FGF14: variants seen among roughly 807,000 people sequenced by gnomAD.
FGF14 encodes the protein fibroblast growth factor 14, also known as fibroblast growth factor homologous factor 4.
In FGF14, 5 loss-of-function variants were observed where a neutral mutation model predicts 25.5. That is an observed-to-expected ratio of 0.20 (90% CI 0.10 to 0.41). The LOEUF (loss-of-function observed/expected upper bound fraction) is 0.41. Among genes scored for constraint, FGF14 ranks in the 10% least tolerant of loss-of-function variants. The probability of loss-of-function intolerance (pLI) is 1.00; values close to 1 mark genes in which losing one functional copy is unlikely to be tolerated. For missense variants in FGF14, 222 were observed against 320.1 expected (o/e 0.69, Z 2.34); for synonymous variants, 138 against 118.3 (o/e 1.17, Z -1.08).
chr13:102,063,787 T>C (rs2042786861), intron 1 of FGF14, among the ~76,000 whole-genome samples: 1 of 152,088 alleles, frequency 6.6e-6, no homozygotes, highest in Non-Finnish European at 1.5e-5. Context: ...GATAAACTGG[T>C]CAGAATTTGC....
At chr13:101,743,703 G>C (rs533534549) in intron 3 of FGF14, among the ~76,000 whole-genome samples, 19 of 152,064 alleles carry the variant, frequency 1.2e-4, no homozygotes, top group Non-Finnish European at 2.5e-4. Context: ...ATTTAAGTTT[G>C]ATGTTCTTTT....
intron 4 of FGF14, among the ~76,000 whole-genome samples, chr13:101,723,322 CA>C (rs1566817658): frequency 1.3e-5 from 2 of 151,712 alleles, no homozygotes; most frequent in South Asian, 4.2e-4. Flanking sequence ...ACTTAATTCT[CA>C]AAAAAAGAAA....
intron 1 of FGF14, among the ~76,000 whole-genome samples, chr13:102,161,653 A>T (rs1199749801): frequency 0.065 from 1,558 of 23,876 alleles, 164 homozygotes; most frequent in East Asian, 0.26. Flanking sequence ...GAAGAAGAAG[A>T]AGAAGAAGAA....
At position 101,726,645 on chromosome 13, in the gene FGF14, G is replaced by T. The variant is rs369831369; in HGVS notation, c.574C>A (p.Pro192Thr). ...GGCTTGGGTAGAAAATGAGCTGCTG[G>T]TTTGGTTTTCTTTACTCTGTTCCCT... The part of the protein sequence containing the change: ...MKGNRVKKTK[P>T]AAHFLPKPLE... Residue 192 changes from proline to threonine, a missense_variant, in exon 4 of 5, where the codon CCA (proline) becomes ACA (threonine). Transcript: ENST00000376143. 3.1e-6 allele frequency: 5 copies of T among 1,613,462 alleles called. No individual in the cohort carries two copies. The highest frequency in any genetic ancestry group is 4.2e-6 in the Non-Finnish European group (5 of 1,179,634).
At chr13:101,741,828 G>T (rs187037136) in intron 3 of FGF14, among the ~76,000 whole-genome samples, 2 of 152,230 alleles carry the variant, frequency 1.3e-5, no homozygotes, top group Admixed American at 6.5e-5. Context: ...CCAACTAAAA[G>T]GTGGGCCCCC....
intron 1 of FGF14, among the ~76,000 whole-genome samples, chr13:102,033,337 A>G (rs1416209884): frequency 6.6e-6 from 1 of 152,146 alleles, no homozygotes; most frequent in Non-Finnish European, 1.5e-5. Context: ...TCTACAATAG[A>G]ATCATCATGA....
At chr13:102,163,045 A>G (rs1056375433) in intron 1 of FGF14, among the ~76,000 whole-genome samples, 2 of 152,200 alleles carry the variant, frequency 1.3e-5, no homozygotes, top group Non-Finnish European at 2.9e-5. Context: ...CATATTTCAT[A>G]TAGAGGGATT....
rs983923846 is a variant in FGF14 at position 101,720,809 on chromosome 13, G to T, written c.*2022C>A. The T allele has an allele frequency of 1.3e-5, 2 of 152,038 alleles. No homozygotes were observed. The highest frequency in any genetic ancestry group is 2.9e-5 in the Non-Finnish European group (2 of 67,992). 9.4% of individuals were successfully genotyped at this position (152,038 alleles called of 1,614,324 possible). A position where few individuals can be genotyped will look rare whatever the true frequency, so the allele number is the denominator to read the frequency against. ...AATGACCAAAGGAATCATTTTGTTT[G>T]TTAGATTTGTAATTTAGCATCATTG... On this transcript the variant is annotated 3_prime_UTR_variant, in exon 5 of 5. Coordinates refer to ENST00000376143, the MANE Select transcript of FGF14 (RefSeq NM_004115.4).
intron 1 of FGF14, among the ~76,000 whole-genome samples, chr13:102,335,424 G>T (rs2056763059): frequency 6.6e-6 from 1 of 151,888 alleles, no homozygotes; most frequent in Admixed American, 6.6e-5. Context: ...TAACCATAAG[G>T]GTTCTCAATA....
chr13:101,845,456 A>G (rs1263793636), intron 3 of FGF14, among the ~76,000 whole-genome samples: 2 of 152,032 alleles, frequency 1.3e-5, no homozygotes, highest in East Asian at 3.9e-4. Context: ...GGCAAATGTA[A>G]AGGTGAATGA....
At chr13:102,349,468 G>C (rs1196414641) in intron 1 of FGF14, among the ~76,000 whole-genome samples, 1 of 152,128 alleles carries the variant, frequency 6.6e-6, no homozygotes, top group Non-Finnish European at 1.5e-5. Flanking sequence ...AACCCCAAAA[G>C]AGAATTGATG....
At chr13:101,916,055 C>T (rs1341932109) in intron 1 of FGF14, among the ~76,000 whole-genome samples, 2 of 152,230 alleles carry the variant, frequency 1.3e-5, no homozygotes. Flanking sequence ...ATGGAAACCC[C>T]CACCAGCTCA....
chr13:102,126,317 A>G (rs1292398075), intron 1 of FGF14, among the ~76,000 whole-genome samples: 1 of 152,194 alleles, frequency 6.6e-6, no homozygotes, highest in Non-Finnish European at 1.5e-5. Flanking sequence ...GGAATCATAC[A>G]ATATGTGTCC....
At chr13:102,252,786 A>T (rs753875583) in intron 1 of FGF14, among the ~76,000 whole-genome samples, 1 of 152,054 alleles carries the variant, frequency 6.6e-6, no homozygotes, top group East Asian at 1.9e-4. Context: ...CAACATCTAC[A>T]TTAGGTATTT....
chr13:101,912,899 T>C (rs1289265062), intron 1 of FGF14, among the ~76,000 whole-genome samples: 2 of 152,114 alleles, frequency 1.3e-5, no homozygotes. Context: ...ACCCAGTGTA[T>C]GGCAAACACT....
intron 1 of FGF14, among the ~76,000 whole-genome samples, chr13:102,358,429 T>C (rs2057476117): frequency 1.3e-5 from 2 of 152,184 alleles, no homozygotes; most frequent in African/African-American, 4.8e-5. Context: ...AACTACATAC[T>C]GTTTTGCTAG....
rs367574506 is a variant in FGF14, at chr13:101,845,999, TTCAC to T, written c.408+22722_408+22725del. On this transcript the variant is annotated intron_variant, in intron 3 of 4. Transcript: ENST00000376143. ...ATATTTCCAATATTTTGCCACATTG[TTCAC>T]TCAAAGTCCAGTGGACAGTTACTTT... Among the ~76,000 whole-genome samples the T allele has an allele frequency of 9.9e-5, 15 of 152,152 alleles. No individual in the cohort carries two copies. In the South Asian group the frequency reaches 3.1e-3, roughly 32 times the overall value.
At chr13:101,738,548 A>G (rs1386287115) in intron 3 of FGF14, among the ~76,000 whole-genome samples, 1 of 152,198 alleles carries the variant, frequency 6.6e-6, no homozygotes, top group African/African-American at 2.4e-5. Context: ...AAGGACAAAC[A>G]TGAAACACTG....
chr13:102,237,310 C>T (rs997388829), intron 1 of FGF14, among the ~76,000 whole-genome samples: 4 of 152,162 alleles, frequency 2.6e-5, no homozygotes, highest in Non-Finnish European at 4.4e-5. Context: ...TCCCTGCATC[C>T]GAGCAGCAGG....
Sources: allele counts gnomAD v4.1 joint callset (sites outside exome capture counted in the v4.1 genomes callset), GRCh38; gene constraint gnomAD v4.1.1; transcripts MANE v1.5; gene names NCBI Gene and HGNC (gene_info 2026-07-23, HGNC 2026-07-21).